ZBTB38: variants seen among roughly 807,000 people sequenced by gnomAD.
ZBTB38 encodes the protein zinc finger and BTB domain-containing protein 38.
Under a neutral mutation model 76.8 loss-of-function variants are expected in ZBTB38, and 20 were observed. The ratio of observed to expected loss-of-function variants is 0.26; its 90% CI spans 0.18 to 0.38. The LOEUF is 0.38. Among genes scored for constraint, ZBTB38 ranks in the 10% least tolerant of loss-of-function variants. The pLI, the probability that ZBTB38 is intolerant of heterozygous loss-of-function variation, is 1.00. For missense variants in ZBTB38, 1,082 were observed against 1,482.3 expected, an observed-to-expected ratio of 0.73 and a Z score of 4.43; for synonymous variants, 504 against 544.2, an observed-to-expected ratio of 0.93 and a Z score of 1.03.
At chr3:141,365,807 CA>C (rs1943949332), upstream of ZBTB38, among the ~76,000 whole-genome samples, 1 of 152,010 alleles carries the variant, frequency 6.6e-6, no homozygotes, top group Non-Finnish European at 1.5e-5. Flanking sequence ...AAATAGATTA[CA>C]AATTACATAA....
chr3:141,342,316 C>T, intron 1 of ZBTB38, among the ~76,000 whole-genome samples: 1 of 147,224 alleles, frequency 6.8e-6, no homozygotes, highest in East Asian at 2.0e-4. Flanking sequence ...ATGGAAGATA[C>T]CAGGCAAGCT....
rs2081284371 is a variant in ZBTB38, at chr3:141,448,751, T to C, written c.*2775T>C. The C allele has an allele frequency of 6.6e-6, 1 of 152,250 alleles. No individual in the cohort carries two copies. The highest frequency in any genetic ancestry group is 2.4e-5 in the African/African-American group (1 of 41,472). The allele number at this position is 152,250 out of a possible 1,614,324, so 9.4% of individuals were successfully genotyped here. On this transcript the variant is annotated 3_prime_UTR_variant, in exon 6 of 6. Coordinates refer to ENST00000321464, the MANE Select transcript of ZBTB38 (RefSeq NM_001376113.1). ...CATGTTATTTCTTTTGTGCAGCTAT[T>C]TCATCTGTGTGAGTCACAGCTTTGT...
intron 5 of ZBTB38, among the ~76,000 whole-genome samples, chr3:141,417,091 A>G (rs2074229562): frequency 1.3e-5 from 2 of 152,244 alleles, no homozygotes. Flanking sequence ...TACCAGATTC[A>G]GTCAGTCTGG....
intron 2 of ZBTB38, among the ~76,000 whole-genome samples, chr3:141,371,299 C>T (rs1944572128): frequency 6.6e-6 from 1 of 151,860 alleles, no homozygotes; most frequent in African/African-American, 2.4e-5. Flanking sequence ...GATCTGCCGG[C>T]CTTGGCCTGC....
intron 5 of ZBTB38, among the ~76,000 whole-genome samples, chr3:141,429,195 A>G (rs542662240): frequency 6.6e-6 from 1 of 152,336 alleles, no homozygotes; most frequent in East Asian, 1.9e-4. Flanking sequence ...AAAGCAGAGC[A>G]GGGCAAGGGG....
At chr3:141,351,811 T>C (rs1487505353) in intron 1 of ZBTB38, among the ~76,000 whole-genome samples, 2 of 151,970 alleles carry the variant, frequency 1.3e-5, no homozygotes, top group African/African-American at 4.8e-5. Context: ...ATGTTAAATA[T>C]TAAGTGCAAT....
At chr3:141,328,266 C>T (rs182660069) in intron 1 of ZBTB38, among the ~76,000 whole-genome samples, 2 of 152,148 alleles carry the variant, frequency 1.3e-5, no homozygotes, top group Non-Finnish European at 2.9e-5. Flanking sequence ...TGTCCTCAGC[C>T]TCATCTACCA....
At chr3:141,430,070 G>GT (rs1481772476) in intron 5 of ZBTB38, among the ~76,000 whole-genome samples, 3 of 152,036 alleles carry the variant, frequency 2.0e-5, no homozygotes, top group Non-Finnish European at 4.4e-5. Context: ...GTTTTGTTTT[G>GT]TTTTGTTTTT....
intron 5 of ZBTB38, among the ~76,000 whole-genome samples, chr3:141,424,773 C>T (rs1468418035): frequency 6.6e-6 from 1 of 152,118 alleles, no homozygotes; most frequent in African/African-American, 2.4e-5. Context: ...GAACTCTGGA[C>T]ACACAGTGAA....
upstream of ZBTB38, chr3:141,367,322 C>G (rs1944007234): frequency 6.6e-6 from 1 of 152,362 alleles, no homozygotes; most frequent in Non-Finnish European, 1.5e-5. Context: ...AGGCTTGCGT[C>G]CATCCGACCT....
intron 4 of ZBTB38, among the ~76,000 whole-genome samples, chr3:141,402,078 G>A (rs1424439985): frequency 2.0e-5 from 3 of 152,230 alleles, no homozygotes; most frequent in Non-Finnish European, 2.9e-5. Context: ...GTTGTCCTTC[G>A]GCAGGTTCTG....
At chr3:141,371,623 A>G (rs901029260) in intron 2 of ZBTB38, among the ~76,000 whole-genome samples, 8 of 152,198 alleles carry the variant, frequency 5.3e-5, no homozygotes, top group Non-Finnish European at 1.2e-4. Context: ...GATAACAGGC[A>G]TGAGCCACCG....
chr3:141,364,698 AAAAAAAAAAAAAG>A, upstream of ZBTB38, among the ~76,000 whole-genome samples: 1 of 141,958 alleles, frequency 7.0e-6, no homozygotes, highest in East Asian at 1.9e-4. Flanking sequence ...AAAAAAAAAA[AAAAAAAAAAAAAG>A]CCCAATTTGA....
chr3:141,341,114 C>T lies in ZBTB38; in HGVS notation c.-739+16658C>T, dbSNP rs556188397. 5.9e-5 allele frequency among the ~76,000 whole-genome samples: 9 copies of T among 152,278 alleles called. 1 individual carries two copies. The highest frequency in any genetic ancestry group is 1.9e-4 in the African/African-American group (8 of 41,558). ...AAAACCACAGTAAGATACCACTTCACATCCTCTATGATGGCTATAATAAAA... is the reference window on the plus strand; with the variant it reads ...AAAACCACAGTAAGATACCACTTCATATCCTCTATGATGGCTATAATAAAA... On this transcript the variant is annotated intron_variant, in intron 1 of 7. Coordinates refer to the ZBTB38 transcript ENST00000509842.
At chr3:141,371,387 C>T (rs1944588045) in intron 2 of ZBTB38, among the ~76,000 whole-genome samples, 1 of 149,010 alleles carries the variant, frequency 6.7e-6, no homozygotes, top group South Asian at 2.2e-4. Context: ...GGGTTTCACT[C>T]TGTCACCCAG....
intron 4 of ZBTB38, chr3:141,394,149 T>C: frequency 6.6e-6 from 1 of 152,358 alleles, no homozygotes; most frequent in Non-Finnish European, 1.5e-5. Flanking sequence ...TAGCTGGGAC[T>C]ACAGGCATGC....
At chr3:141,356,563 A>T (rs1943670397) in intron 1 of ZBTB38, among the ~76,000 whole-genome samples, 1 of 152,286 alleles carries the variant, frequency 6.6e-6, no homozygotes, top group South Asian at 2.1e-4. Flanking sequence ...GCATCAGGGA[A>T]ACAAAACACA....
chr3:141,340,994 A>AAG (rs1317988127), intron 1 of ZBTB38, among the ~76,000 whole-genome samples: 3 of 99,382 alleles, frequency 3.0e-5, no homozygotes, highest in Non-Finnish European at 7.0e-5. Context: ...AAGAAAGAGA[A>AAG]AGAAGAAAGA....
intron 5 of ZBTB38, among the ~76,000 whole-genome samples, chr3:141,436,742 C>T (rs929231862): frequency 1.3e-5 from 2 of 152,186 alleles, no homozygotes; most frequent in Non-Finnish European, 2.9e-5. Flanking sequence ...AAGTGATCCA[C>T]CCACCTTGGC....
Sources: allele counts gnomAD v4.1 joint callset (sites outside exome capture counted in the v4.1 genomes callset), GRCh38; gene constraint gnomAD v4.1.1; transcripts MANE v1.5; gene names NCBI Gene and HGNC (gene_info 2026-07-23, HGNC 2026-07-21).